The following SLC7A9 variants were observed in gnomAD, a reference collection of about 807,000 sequenced individuals.
SLC7A9 encodes the protein solute carrier family 7 member 9, also known as B(0,+)-type amino acid transporter 1.
SLC7A9 carries 38 observed loss-of-function variants against 54.1 expected under a neutral mutation model. The observed-to-expected ratio is 0.70, with a 90% confidence interval of 0.54 to 0.92. SLC7A9 has a LOEUF of 0.92. Ranked by LOEUF, SLC7A9 falls within the 40% of genes least tolerant of loss-of-function variation. SLC7A9 has a pLI of 0.00. For synonymous variants in SLC7A9, 264 were observed against 258.9 expected (o/e 1.02, Z -0.19); for missense variants, 537 against 636.1 (o/e 0.84, Z 1.68).
At chr19:32,868,701 A>G (rs1969051941) in intron 1 of SLC7A9, 56 bp from the exon 2 acceptor site, 1 of 688,560 alleles carries the variant, frequency 1.5e-6, no homozygotes, top group East Asian at 2.8e-5. Flanking sequence ...CCAGTCCCTC[A>G]GGGCTCATGC....
chr19:32,853,937 A>G (rs1198858675), intron 9 of SLC7A9, among the ~76,000 whole-genome samples: 4 of 147,184 alleles, frequency 2.7e-5, no homozygotes, highest in Non-Finnish European at 6.0e-5. Flanking sequence ...AAAAAAAAAC[A>G]CCAACAAACA....
rs1359117893 is a variant in SLC7A9 at position 32,841,111 on chromosome 19, C to T, written c.1224+1057G>A. On this transcript the variant is annotated intron_variant, in intron 11 of 12. Transcript: ENST00000023064. ...GCCAGAGACTTGTCCATAGTCAAGA[C>T]ACAGGGCCAGAAAGACCACTGGATG... is the stretch of plus-strand genomic sequence containing the variant. Among the ~76,000 whole-genome samples the T allele has an allele frequency of 2.6e-5, 4 of 152,296 alleles. No homozygotes were observed. In the South Asian group the frequency reaches 8.3e-4, roughly 32 times the overall value.
intron 9 of SLC7A9, among the ~76,000 whole-genome samples, chr19:32,856,626 G>C (rs1035583300): frequency 6.6e-6 from 1 of 152,028 alleles, no homozygotes; most frequent in Non-Finnish European, 1.5e-5. Context: ...ATTTTTTAGA[G>C]GCAGGGTCTT....
chr19:32,862,183 G>T lies in SLC7A9; in HGVS notation c.639C>A (p.Gly213=). The T allele has an allele frequency of 6.2e-7, 1 of 1,613,830 alleles. No individual in the cohort carries two copies. Among genetic ancestry groups the T allele is most frequent in the Non-Finnish European group, 8.5e-7 (1 of 1,179,784 alleles). ...TGATGGCTCCCACAGACAGCTGGGC[G>T]CCCTCGAAAGAATTATCAAAATTCT... ...NTKNFDNSFE[G]AQLSVGAISL... is the part of the protein sequence containing the mutation. The change falls in exon 6 of 13, where the codon GGC becomes GGA. Residue 213 remains glycine (G), a synonymous_variant. Coordinates refer to ENST00000023064, the MANE Select transcript of SLC7A9 (RefSeq NM_014270.5).
At chr19:32,861,682 GCTC>G (rs1968803792) in intron 6 of SLC7A9, among the ~76,000 whole-genome samples, 1 of 152,124 alleles carries the variant, frequency 6.6e-6, no homozygotes, top group African/African-American at 2.4e-5. Flanking sequence ...GGGCATGGCA[GCTC>G]CTATCTGTAG....
intron 11 of SLC7A9, among the ~76,000 whole-genome samples, chr19:32,835,824 A>G (rs546711799): frequency 6.6e-4 from 100 of 152,044 alleles, no homozygotes; most frequent in African/African-American, 2.3e-3. Context: ...TCAAAGCACT[A>G]TTTAAGCTGT....
chr19:32,852,684 TTGA>T (rs1226552829), intron 9 of SLC7A9, among the ~76,000 whole-genome samples: 2 of 152,052 alleles, frequency 1.3e-5, no homozygotes, highest in East Asian at 3.9e-4. Flanking sequence ...AGGATGGGAG[TTGA>T]TTAATGGAAG....
chr19:32,841,156 C>A (rs1021871836), intron 11 of SLC7A9, among the ~76,000 whole-genome samples: 3 of 152,180 alleles, frequency 2.0e-5, no homozygotes, highest in African/African-American at 7.2e-5. Context: ...AAACAAAGTC[C>A]TAAAGCTAAA....
rs955468350 is a variant in SLC7A9, at chr19:32,862,713, T to C, written c.479-127A>G. The C allele has an allele frequency of 1.6e-5, 13 of 789,870 alleles. No individual in the cohort carries two copies. In the African/African-American group the frequency reaches 2.2e-4, roughly 13 times the overall value. 48.9% of individuals were successfully genotyped at this position (789,870 alleles called of 1,614,324 possible). A position where few individuals can be genotyped will look rare whatever the true frequency, so the allele number is the denominator to read the frequency against. On this transcript the variant is annotated intron_variant, in intron 4 of 12. Transcript: ENST00000023064. ...TGGAGTCTCACTCTGTCACCCAGGC[T>C]GGAGAGCAGTGGCATGATCTCAGCT...
chr19:32,845,891 C>A (rs1222197128), intron 9 of SLC7A9, among the ~76,000 whole-genome samples: 2 of 152,138 alleles, frequency 1.3e-5, no homozygotes. Context: ...ATAATCCCAT[C>A]TACTTGGGAG....
rs139253538 is a variant in SLC7A9 at position 32,853,916 on chromosome 19, CA to C, written c.977+4523del. ...TGGGTGACAAAGCAAGATCCTGTCT[CA>C]AAAAAAAAAAAAAAAAAACACCAAC... On this transcript the variant is annotated intron_variant, in intron 9 of 12. Transcript: ENST00000023064. 4.6e-4 allele frequency among the ~76,000 whole-genome samples: 55 copies of C among 119,846 alleles called. 1 individual carries two copies. The highest frequency in any genetic ancestry group is 3.3e-3 in the South Asian group (12 of 3,640). 78.6% of individuals were successfully genotyped at this position (119,846 alleles called of 152,430 possible). A position where few individuals can be genotyped will look rare whatever the true frequency, so the allele number is the denominator to read the frequency against.
intron 11 of SLC7A9, among the ~76,000 whole-genome samples, chr19:32,837,834 G>T (rs1432511078): frequency 6.6e-6 from 1 of 152,128 alleles, no homozygotes; most frequent in Non-Finnish European, 1.5e-5. Context: ...CTACATTTTG[G>T]GGATTCAGAT....
Position 32,842,187 on chromosome 19 carries a change from T to G in SLC7A9, c.1205A>C (p.Glu402Ala), listed in dbSNP as rs1351478807. The G allele has an allele frequency of 1.2e-6, 2 of 1,614,182 alleles. No individual in the cohort carries two copies. Among genetic ancestry groups the G allele is most frequent in the South Asian group, 1.1e-5 (1 of 91,076 alleles). The change falls in exon 11 of 13, where the codon GAG becomes GCG. Residue 402 changes from glutamate to alanine, a missense_variant. Glu to Ala is a moderately radical substitution (Grantham distance 107). Transcript: ENST00000023064. ...GLIVMRFTRKELERPIKVPVV... is the reference protein window; with the variant it reads ...GLIVMRFTRKALERPIKVPVV... ...GCTTACCTTGATAGGCCTTTCCAGCTCTTTCCTTGTAAATCTCATCACGAT... is the reference window on the plus strand; with the variant it reads ...GCTTACCTTGATAGGCCTTTCCAGCGCTTTCCTTGTAAATCTCATCACGAT...
At chr19:32,843,784 G>T in intron 10 of SLC7A9, 71 bp downstream of exon 10, 4 of 1,149,544 alleles carry the variant, frequency 3.5e-6, no homozygotes, top group Non-Finnish European at 5.3e-6. Context: ...TTTGGAAGCC[G>T]CCGGGCTTAG....
In SLC7A9 at chr19:32,858,432, T is replaced by A; in HGVS notation, c.977+8A>T. 1.2e-6 allele frequency: 2 copies of A among 1,602,108 alleles called. No homozygotes were observed. The highest frequency in any genetic ancestry group is 1.7e-6 in the Non-Finnish European group (2 of 1,171,130). ...TCCACCCTGGGAGTGACGGTGGGGG[T>A]CCCCTACCTGCCCGCTGTGAAGCAG... On this transcript the variant is annotated splice_region_variant and intron_variant, in intron 9 of 12. Coordinates refer to ENST00000023064, the MANE Select transcript of SLC7A9 (RefSeq NM_014270.5).
chr19:32,842,895 A>G (rs1353854227), intron 10 of SLC7A9, among the ~76,000 whole-genome samples: 4 of 152,218 alleles, frequency 2.6e-5, no homozygotes, highest in African/African-American at 9.7e-5. Flanking sequence ...TTCATAATTA[A>G]GAATTTTCCA....
chr19:32,864,853 G>C, intron 2 of SLC7A9, 77 bp from the exon 3 acceptor site: 2 of 1,592,328 alleles, frequency 1.3e-6, no homozygotes, highest in South Asian at 1.1e-5. Context: ...ACCCTCCCTC[G>C]GTACGGCCAG....
chr19:32,844,760 G>T (rs1266253055), intron 9 of SLC7A9, among the ~76,000 whole-genome samples: 1 of 147,146 alleles, frequency 6.8e-6, no homozygotes, highest in East Asian at 2.1e-4. Flanking sequence ...GAACCTGGGA[G>T]GCAGAGGTTG....
At chr19:32,840,011 C>T (rs7247583) in intron 11 of SLC7A9, among the ~76,000 whole-genome samples, 69,412 of 151,778 alleles carry the variant, frequency 0.46, 16,839 homozygotes, top group East Asian at 0.72. Context: ...TTTTCTTCTT[C>T]AGGGACTCCA....
Sources: gnomAD v4.1 joint callset for allele counts (sites outside exome capture counted in the v4.1 genomes callset) on GRCh38, gnomAD v4.1.1 for gene constraint, MANE v1.5 for transcripts, NCBI Gene and HGNC (gene_info 2026-07-23, HGNC 2026-07-21) for gene names.